PDZRN4: variants seen among roughly 807,000 people sequenced by gnomAD.
The protein encoded by PDZRN4 is PDZ domain containing ring finger 4, also known as PDZ domain-containing RING finger protein 4.
In PDZRN4, 70 loss-of-function variants were observed where a neutral mutation model predicts 99.0. The ratio of observed to expected loss-of-function variants is 0.71; its 90% confidence interval spans 0.58 to 0.86. The LOEUF (loss-of-function observed/expected upper bound fraction) is 0.86, where lower values mean the gene tolerates loss of function less well. Among genes scored for constraint, PDZRN4 ranks in the 40% least tolerant of loss-of-function variants. The pLI, the probability that PDZRN4 is intolerant of heterozygous loss-of-function variation, is 0.00. For missense variants in PDZRN4, 1,474 were observed against 1,331.2 expected (o/e 1.11, Z -1.67); for synonymous variants, 551 against 501.6 (o/e 1.10, Z -1.32).
chr12:41,347,564 C>T (rs1951862309), intron 3 of PDZRN4, among the ~76,000 whole-genome samples: 2 of 152,044 alleles, frequency 1.3e-5, no homozygotes, highest in Non-Finnish European at 2.9e-5. Context: ...CAGATGTGTG[C>T]TTTGGCAAAT....
intron 3 of PDZRN4, among the ~76,000 whole-genome samples, chr12:41,372,947 G>A (rs1480011643): frequency 6.6e-6 from 1 of 152,142 alleles, no homozygotes; most frequent in Non-Finnish European, 1.5e-5. Context: ...TTTTCCCTAA[G>A]TGTTGGCTGG....
intron 3 of PDZRN4, among the ~76,000 whole-genome samples, chr12:41,396,424 A>G (rs1458833558): frequency 1.3e-5 from 2 of 151,608 alleles, no homozygotes; most frequent in East Asian, 3.9e-4. Flanking sequence ...TGTTGTTGTT[A>G]TTGTTATGGC....
chr12:41,290,805 TG>T (rs1951452448), intron 3 of PDZRN4, among the ~76,000 whole-genome samples: 1 of 152,156 alleles, frequency 6.6e-6, no homozygotes, highest in Non-Finnish European at 1.5e-5. Context: ...TTACCTTTCC[TG>T]GGTCTGCCAT....
At chr12:41,309,715 G>A (rs569175899) in intron 3 of PDZRN4, among the ~76,000 whole-genome samples, 2 of 151,884 alleles carry the variant, frequency 1.3e-5, no homozygotes, top group Admixed American at 6.6e-5. Flanking sequence ...AAAGTTAAAC[G>A]ATCCAATAGA....
At chr12:41,433,465 G>A (rs559488018) in intron 3 of PDZRN4, among the ~76,000 whole-genome samples, 8 of 152,174 alleles carry the variant, frequency 5.3e-5, no homozygotes, top group Admixed American at 2.0e-4. Flanking sequence ...AGGCAGCTAC[G>A]TGTCTACTAA....
chr12:41,547,305 T>G (rs1356960928), intron 5 of PDZRN4, among the ~76,000 whole-genome samples: 1 of 152,142 alleles, frequency 6.6e-6, no homozygotes, highest in Non-Finnish European at 1.5e-5. Context: ...GTTCCCTAGT[T>G]GTCACAGCAG....
chr12:41,411,475 T>C (rs954727190), intron 3 of PDZRN4: 6 of 152,218 alleles, frequency 3.9e-5, no homozygotes, highest in African/African-American at 1.4e-4. Flanking sequence ...AGAACTGTCA[T>C]TGATCAGACT....
chr12:41,260,137 T>A (rs1046853095), intron 3 of PDZRN4, among the ~76,000 whole-genome samples: 1 of 152,202 alleles, frequency 6.6e-6, no homozygotes, highest in African/African-American at 2.4e-5. Context: ...AAAAGTAAGA[T>A]CTTTCAGATT....
At chr12:41,428,172 C>G (rs940477101) in intron 3 of PDZRN4, among the ~76,000 whole-genome samples, 5 of 152,106 alleles carry the variant, frequency 3.3e-5, no homozygotes, top group African/African-American at 1.2e-4. Context: ...TTTATCTGTA[C>G]TTGGTTATAT....
intron 7 of PDZRN4, among the ~76,000 whole-genome samples, chr12:41,557,785 C>T (rs534876476): frequency 6.6e-6 from 1 of 152,080 alleles, no homozygotes; most frequent in South Asian, 2.1e-4. Context: ...TTCAGAAAAC[C>T]TCAAGAACAT....
At chr12:41,439,115 T>A (rs1257445976) in intron 3 of PDZRN4, among the ~76,000 whole-genome samples, 1 of 152,234 alleles carries the variant, frequency 6.6e-6, no homozygotes, top group Non-Finnish European at 1.5e-5. Context: ...CATGGTAATG[T>A]GATCAGAGGC....
At chr12:41,547,922 A>C (rs1371625791) in intron 5 of PDZRN4, among the ~76,000 whole-genome samples, 1 of 152,224 alleles carries the variant, frequency 6.6e-6, no homozygotes, top group Non-Finnish European at 1.5e-5. Context: ...TTTCTTTCCC[A>C]AAGAATCCAG....
rs149983261 is a variant in PDZRN4 at position 41,437,874 on chromosome 12, T to G, written c.844-68582T>G. ...ACAGTAGTCAAGTCTGGAGGGTGAT[T>G]CCCTTTCAGTTCACTTGCCTTTCAG... On this transcript the variant is annotated intron_variant, in intron 3 of 9. Coordinates refer to ENST00000402685, the MANE Select transcript of PDZRN4 (RefSeq NM_001164595.2). 3.2e-5 allele frequency: 52 copies of G among 1,612,928 alleles called. No homozygotes were observed. The African/African-American group carries it at 6.5e-4, about 20-fold the overall frequency.
At chr12:41,217,600 A>G (rs1950929847) in intron 3 of PDZRN4, among the ~76,000 whole-genome samples, 1 of 152,094 alleles carries the variant, frequency 6.6e-6, no homozygotes, top group Non-Finnish European at 1.5e-5. Context: ...ACAGTCAACA[A>G]AGACGTAGGT....
At chr12:41,319,938 T>C (rs907045758) in intron 3 of PDZRN4, among the ~76,000 whole-genome samples, 3 of 152,170 alleles carry the variant, frequency 2.0e-5, no homozygotes, top group Non-Finnish European at 4.4e-5. Flanking sequence ...CTGCTGCTTG[T>C]CTTGGGTTGG....
chr12:41,279,848 A>C (rs1407692886), intron 3 of PDZRN4, among the ~76,000 whole-genome samples: 1 of 152,188 alleles, frequency 6.6e-6, no homozygotes. Context: ...AGATTTTTAA[A>C]ACTTGAAGAC....
chr12:41,455,373 T>C (rs893039249), intron 3 of PDZRN4, among the ~76,000 whole-genome samples: 6 of 152,272 alleles, frequency 3.9e-5, no homozygotes, highest in South Asian at 4.2e-4. Context: ...TCTTATCATT[T>C]TACATTTGCA....
intron 3 of PDZRN4, among the ~76,000 whole-genome samples, chr12:41,457,023 CA>C (rs745684356): frequency 7.2e-5 from 11 of 152,176 alleles, no homozygotes; most frequent in Non-Finnish European, 1.3e-4. Flanking sequence ...CCCTTAAATA[CA>C]GATGAGCCTT....
At chr12:41,460,921 T>C (rs897589259) in intron 3 of PDZRN4, among the ~76,000 whole-genome samples, 2 of 152,180 alleles carry the variant, frequency 1.3e-5, no homozygotes, top group East Asian at 1.9e-4. Flanking sequence ...AAAAGTTCTT[T>C]GGAGTTTCAA....
Sources: gnomAD v4.1 joint callset for allele counts (sites outside exome capture counted in the v4.1 genomes callset) on GRCh38, gnomAD v4.1.1 for gene constraint, MANE v1.5 for transcripts, NCBI Gene and HGNC (gene_info 2026-07-23, HGNC 2026-07-21) for gene names.